Variants in WWOX observed in about 807,000 individuals in gnomAD.
WWOX encodes WW domain-containing oxidoreductase.
In WWOX, 69 loss-of-function variants were observed where a neutral mutation model predicts 46.2. That is an observed-to-expected ratio of 1.49 (90% CI 1.23 to 1.82). WWOX has a LOEUF of 1.82. Among genes scored for constraint, WWOX ranks in the 40% most tolerant of loss-of-function variants. WWOX has a pLI of 0.00. For synonymous variants in WWOX, 359 were observed against 202.6 expected (o/e 1.77, Z -6.56); for missense variants, 919 against 542.6 (o/e 1.69, Z -6.89).
At chr16:78,274,767 A>G (rs1417583205) in intron 5 of WWOX, among the ~76,000 whole-genome samples, 1 of 152,192 alleles carries the variant, frequency 6.6e-6, no homozygotes, top group Admixed American at 6.5e-5. Context: ...ACCTTGCTCT[A>G]GACATGGCCC....
In WWOX at chr16:78,589,897, G is replaced by T. The variant is rs1392608698; in HGVS notation, c.1056+157145G>T. Among the ~76,000 whole-genome samples, 5 of 152,134 alleles carry T rather than the reference G, an allele frequency of 3.3e-5. No homozygotes were observed. The South Asian group carries it at 1.0e-3, about 31-fold the overall frequency. ...AAATGGAAAACTCCAGGGGAAGAGG[G>T]TCTTTACTTAGGGAGTTGGCATTTG... is the stretch of plus-strand genomic sequence containing the variant. On this transcript the variant is annotated intron_variant, in intron 8 of 8. Coordinates refer to ENST00000566780, the MANE Select transcript of WWOX (RefSeq NM_016373.4).
At chr16:79,160,421 T>C (rs1030023020) in intron 8 of WWOX, among the ~76,000 whole-genome samples, 1 of 152,116 alleles carries the variant, frequency 6.6e-6, no homozygotes, top group Admixed American at 6.5e-5. Flanking sequence ...CACCTCAGGA[T>C]CCTTGATCTC....
rs147201624 is a variant in WWOX at position 78,414,251 on chromosome 16, G to A, written c.606-10619G>A. Among the ~76,000 whole-genome samples the A allele has an allele frequency of 1.2e-3, 182 of 152,000 alleles. 1 individual carries two copies. In the East Asian group the frequency reaches 0.02, roughly 17 times the overall value. On this transcript the variant is annotated intron_variant, in intron 6 of 8. Coordinates refer to ENST00000566780, the MANE Select transcript of WWOX (RefSeq NM_016373.4). ...TTTGCTGACCCCTTTTTCAAACTCC[G>A]TCTGCCTGCACTCAGGTGATTAAAA...
At chr16:78,576,182 G>A (rs1567655874) in intron 8 of WWOX, among the ~76,000 whole-genome samples, 1 of 152,124 alleles carries the variant, frequency 6.6e-6, no homozygotes, top group South Asian at 2.1e-4. Context: ...GCATTTGAAA[G>A]GGAAGAAGTA....
At chr16:78,974,962 A>G (rs1351432246) in intron 8 of WWOX, among the ~76,000 whole-genome samples, 1 of 152,082 alleles carries the variant, frequency 6.6e-6, no homozygotes, top group Admixed American at 6.6e-5. Flanking sequence ...CCAAAGGGAG[A>G]TGGACATTTC....
chr16:78,577,774 G>A (rs1006155337), intron 8 of WWOX, among the ~76,000 whole-genome samples: 4 of 152,110 alleles, frequency 2.6e-5, no homozygotes, highest in Admixed American at 1.3e-4. Flanking sequence ...GCCACTTTGC[G>A]AACGATCTGT....
At chr16:78,476,366 A>C (rs2084348619) in intron 8 of WWOX, among the ~76,000 whole-genome samples, 1 of 152,126 alleles carries the variant, frequency 6.6e-6, no homozygotes, top group Admixed American at 6.5e-5. Flanking sequence ...ACAAAAAACC[A>C]AACACCGCAT....
rs1163363755 is a variant in WWOX at position 78,999,934 on chromosome 16, G to C, written c.1057-211674G>C. On this transcript the variant is annotated intron_variant, in intron 8 of 8. Transcript: ENST00000566780. ...AAATTCTACGTCATGAGAAAGCATT[G>C]TGCCATATTTTCACCGGGAGCATTT... Among the ~76,000 whole-genome samples, 3 of 152,124 alleles carry C rather than the reference G, an allele frequency of 2.0e-5. No individual in the cohort carries two copies. In the South Asian group the frequency reaches 6.2e-4, roughly 32 times the overall value.
intron 6 of WWOX, among the ~76,000 whole-genome samples, chr16:78,417,234 T>G (rs1417988108): frequency 6.6e-6 from 1 of 151,912 alleles, no homozygotes; most frequent in Non-Finnish European, 1.5e-5. Context: ...CACTGGCTAT[T>G]TTTATTTTTT....
chr16:78,630,979 C>CT (rs1171989033), intron 8 of WWOX, among the ~76,000 whole-genome samples: 9 of 151,840 alleles, frequency 5.9e-5, no homozygotes, highest in Admixed American at 2.6e-4. Flanking sequence ...GTACCAACTG[C>CT]TTTTTTTTGT....
intron 8 of WWOX, among the ~76,000 whole-genome samples, chr16:78,694,046 A>C (rs2048047628): frequency 6.6e-6 from 1 of 152,236 alleles, no homozygotes; most frequent in Admixed American, 6.5e-5. Flanking sequence ...AGCCTGGCCA[A>C]CATGGTGAAA....
intron 5 of WWOX, chr16:78,238,325 G>A (rs543602521): frequency 3.9e-5 from 6 of 152,234 alleles, no homozygotes; most frequent in Non-Finnish European, 5.9e-5. Flanking sequence ...TTTGAGGCAA[G>A]GTCTCACTTC....
chr16:78,715,292 ATTG>A (rs2048534776), intron 8 of WWOX, among the ~76,000 whole-genome samples: 1 of 152,160 alleles, frequency 6.6e-6, no homozygotes, highest in Non-Finnish European at 1.5e-5. Context: ...GAGGGAGGCA[ATTG>A]CTGTCACTGG....
chr16:79,096,243 A>G (rs1425863941), intron 8 of WWOX, among the ~76,000 whole-genome samples: 2 of 152,022 alleles, frequency 1.3e-5, no homozygotes, highest in Admixed American at 1.3e-4. Context: ...ACGGAGAACC[A>G]GAATCTCCTT....
At chr16:78,939,907 T>C (rs2045817770) in intron 8 of WWOX, among the ~76,000 whole-genome samples, 1 of 152,228 alleles carries the variant, frequency 6.6e-6, no homozygotes, top group Admixed American at 6.5e-5. Context: ...TTTGCTCAAG[T>C]TGAAGGCCCA....
chr16:78,905,172 C>G (rs74690968), intron 8 of WWOX, among the ~76,000 whole-genome samples: 36 of 152,222 alleles, frequency 2.4e-4, no homozygotes, highest in South Asian at 1.0e-3. Context: ...CCCCTGGACA[C>G]CAAGCTGCTG....
At chr16:78,603,197 C>G (rs550896279) in intron 8 of WWOX, among the ~76,000 whole-genome samples, 1 of 152,174 alleles carries the variant, frequency 6.6e-6, no homozygotes, top group Non-Finnish European at 1.5e-5. Context: ...TCTGCCACAC[C>G]TGGAGAAGTG....
intron 8 of WWOX, among the ~76,000 whole-genome samples, chr16:78,964,103 T>A (rs1352680345): frequency 6.6e-6 from 1 of 152,134 alleles, no homozygotes; most frequent in African/African-American, 2.4e-5. Context: ...TTATCAGCAG[T>A]GTGAAAATGG....
chr16:78,450,090 A>G (rs1185206854), intron 8 of WWOX, among the ~76,000 whole-genome samples: 1 of 152,182 alleles, frequency 6.6e-6, no homozygotes, highest in African/African-American at 2.4e-5. Flanking sequence ...TTGATTTTGA[A>G]TACTAAAGTA....
Sources: allele counts gnomAD v4.1 joint callset (sites outside exome capture counted in the v4.1 genomes callset), GRCh38; gene constraint gnomAD v4.1.1; transcripts MANE v1.5; gene names NCBI Gene and HGNC (gene_info 2026-07-23, HGNC 2026-07-21).